MAGIX: variants seen among roughly 807,000 people sequenced by gnomAD.
MAGIX encodes the protein MAGI family member, X-linked.
A neutral mutation model predicts 10.0 loss-of-function variants in MAGIX; 13 were observed. The ratio of observed to expected loss-of-function variants is 1.30; its 90% CI spans 0.84 to 2.06. The LOEUF (loss-of-function observed/expected upper bound fraction) is 2.06, where lower values mean the gene tolerates loss of function less well. MAGIX is among the 30% of genes most tolerant of loss of function. MAGIX has a pLI of 0.00. For synonymous variants in MAGIX, 108 were observed against 106.8 expected (o/e 1.01, Z -0.07); for missense variants, 235 against 245.2 (o/e 0.96, Z 0.28).
exon 5 of MAGIX, chrX:49,166,163 C>T: frequency 8.3e-7 from 1 of 1,211,907 alleles, no homozygotes; most frequent in South Asian, 1.8e-5. Flanking sequence ...TCAGCACCCT[C>T]CATCCCGGAC....
exon 5 of MAGIX, chrX:49,166,078 G>T: frequency 8.3e-7 from 1 of 1,210,316 alleles, no homozygotes; most frequent in Non-Finnish European, 1.1e-6. Context: ...CCGTAGTCCC[G>T]TCATGGCCAG....
At position 49,162,816 on chromosome X, in the gene MAGIX, C is replaced by T. The variant is rs1300771659; in HGVS notation, c.-202+71C>T. 2.5e-4 allele frequency: 150 copies of T among 608,388 alleles called. 1 individual carries two copies. The South Asian group carries it at 5.5e-3, about 22-fold the overall frequency. The allele number at this position is 608,388 out of a possible 1,213,427, so 50.1% of individuals were successfully genotyped here. A position where few individuals can be genotyped will look rare whatever the true frequency, so the allele number is the denominator to read the frequency against. ...CTTCAGCCTCCAGGGCCTGGGCGGG[C>T]CGCCAGGTGAGCGCGCCCCAGAGCT... On this transcript the variant is annotated intron_variant, in intron 1 of 4. Coordinates refer to ENST00000616266, the Ensembl canonical transcript of MAGIX.
At position 49,165,301 on chromosome X, in the gene MAGIX, C is replaced by T. The variant is rs183982494; in HGVS notation, c.442C>T (p.Arg148Trp). 4.3e-3 allele frequency: 5,040 copies of T among 1,180,662 alleles called. 8 individuals are homozygous for T. Among genetic ancestry groups the T allele is most frequent in the Non-Finnish European group, 4.8e-3 (4,224 of 880,243 alleles). Residue 148 changes from arginine to tryptophan, a missense_variant, in exon 4 of 5, where the codon CGG (arginine) becomes TGG (tryptophan). By Grantham distance (101) the Arg-to-Trp change is moderately radical (BLOSUM62 -3). Coordinates refer to ENST00000616266, the Ensembl canonical transcript of MAGIX. The stretch of plus-strand genomic sequence containing the variant: ...CCCCCAGCTCCACCTGGTTATTCGT[C>T]GGCCTCTGGAGACCCACCCTGGCAA...
At chrX:49,166,418 G>C in exon 5 of MAGIX, 1 of 1,096,412 alleles carries the variant, frequency 9.1e-7, no homozygotes, top group Non-Finnish European at 1.2e-6. Context: ...CTGACAGCGC[G>C]GGGCTCACTA....
chrX:49,163,654 A>G (rs1160651502), intron 1 of MAGIX, 129 bp from the exon 2 acceptor site: 1 of 634,144 alleles, frequency 1.6e-6, no homozygotes, highest in Non-Finnish European at 2.1e-6. Flanking sequence ...GTGACCTCCG[A>G]AACTATCGAG....
exon 5 of MAGIX, chrX:49,166,223 G>A (rs1557097959): frequency 8.3e-7 from 1 of 1,208,559 alleles, no homozygotes; most frequent in Non-Finnish European, 1.1e-6. Flanking sequence ...AGAGGCGGCC[G>A]CCGATGGCCC....
chrX:49,165,201 C>G, exon 4 of MAGIX: 1 of 1,191,839 alleles, frequency 8.4e-7, no homozygotes, highest in Non-Finnish European at 1.1e-6. Context: ...TCGGGGACCT[C>G]GTGCTCCACA....
intron 2 of MAGIX, 29 bp downstream of exon 2, chrX:49,163,958 G>C: frequency 9.9e-7 from 1 of 1,007,325 alleles, no homozygotes; most frequent in Non-Finnish European, 1.3e-6. Flanking sequence ...GCCTCCGCTG[G>C]GGGAGGGTTC....
chrX:49,166,486 A>G (rs1345855877), exon 5 of MAGIX: 4 of 818,071 alleles, frequency 4.9e-6, no homozygotes, highest in African/African-American at 2.1e-5. Context: ...CACCTCCCCA[A>G]GAGCTTCCAC....
chrX:49,162,984 C>T (rs2065339717), intron 1 of MAGIX, 46 bp downstream of exon 1: 1 of 439,654 alleles, frequency 2.3e-6, no homozygotes, highest in Non-Finnish European at 3.5e-6. Context: ...GAGTCGCCGC[C>T]ATCCCCGTCC....
At chrX:49,165,919 G>T in intron 4 of MAGIX, 155 bp from the exon 6 acceptor site, 1 of 475,082 alleles carries the variant, frequency 2.1e-6, no homozygotes, top group Non-Finnish European at 3.6e-6. Context: ...GAGGTGTCGG[G>T]GTTGTGAGGG....
intron 1 of MAGIX, chrX:49,162,758 G>A (rs1168212648): frequency 8.4e-6 from 3 of 357,249 alleles, no homozygotes; most frequent in African/African-American, 5.4e-5. Flanking sequence ...AGGTCACCGC[G>A]CGGGTCCGGG....
At chrX:49,164,026 T>C in intron 2 of MAGIX, 97 bp downstream of exon 2, 1 of 877,557 alleles carries the variant, frequency 1.1e-6, no homozygotes, top group Non-Finnish European at 1.5e-6. Flanking sequence ...CTGCCCTGTC[T>C]TGGGTGGGGC....
chrX:49,164,776 A>G (rs1557097170), exon 3 of MAGIX: 1 of 1,211,635 alleles, frequency 8.3e-7, no homozygotes, highest in Admixed American at 2.2e-5. Flanking sequence ...ACTATTGTGG[A>G]TCACCGGCCC....
At chrX:49,165,423 G>A in intron 4 of MAGIX, 62 bp downstream of exon 5, 2 of 1,026,911 alleles carry the variant, frequency 1.9e-6, no homozygotes, top group Non-Finnish European at 2.6e-6. Flanking sequence ...TTCACAGAGT[G>A]GAGAAGCTGA....
At chrX:49,163,662 G>A in intron 1 of MAGIX, 121 bp from the exon 2 acceptor site, 1 of 671,965 alleles carries the variant, frequency 1.5e-6, no homozygotes, top group South Asian at 6.0e-5. Flanking sequence ...CGAAACTATC[G>A]AGGGAGTGGC....
At chrX:49,167,930 G>A (rs1196233442) in exon 5 of MAGIX, 1 of 111,986 alleles carries the variant, frequency 8.9e-6, no homozygotes, top group Admixed American at 9.5e-5. Flanking sequence ...AGGAAAGTGA[G>A]GCCCAGGGAG....
At chrX:49,164,969 T>C in exon 3 of MAGIX, 1 of 1,212,176 alleles carries the variant, frequency 8.2e-7, no homozygotes, top group Middle Eastern at 2.3e-4. Context: ...GTGGAGCTGG[T>C]TCGCGGTTAC....
At chrX:49,168,278 G>A (rs1448955182) in exon 5 of MAGIX, 2 of 108,762 alleles carry the variant, frequency 1.8e-5, no homozygotes, top group Non-Finnish European at 3.8e-5. Context: ...AGAGCAGCCT[G>A]GCCAAGATGG....
Sources: gnomAD v4.1 joint callset for allele counts on GRCh38, gnomAD v4.1.1 for gene constraint, MANE v1.5 for transcripts, NCBI Gene and HGNC (gene_info 2026-07-23, HGNC 2026-07-21) for gene names.